Variants in WDR53 observed in about 807,000 individuals in gnomAD.
WDR53 encodes the protein WD repeat domain 53.
Under a neutral mutation model 21.3 loss-of-function variants are expected in WDR53, and 19 were observed. The observed-to-expected ratio is 0.89, with a 90% CI of 0.62 to 1.31. The LOEUF (loss-of-function observed/expected upper bound fraction) is 1.31. Ranked by LOEUF, WDR53 falls within the 50% of genes most tolerant of loss-of-function variation. The probability of loss-of-function intolerance (pLI) is 0.00; values close to 1 mark genes in which losing one functional copy is unlikely to be tolerated. For synonymous variants in WDR53, 157 were observed against 163.4 expected (o/e 0.96, Z 0.30); for missense variants, 374 against 423.2 (o/e 0.88, Z 1.02).
chr3:196,558,321 GTCAACT>G (rs1734525663), intron 3 of WDR53, among the ~76,000 whole-genome samples: 1 of 151,758 alleles, frequency 6.6e-6, no homozygotes, highest in Non-Finnish European at 1.5e-5. Context: ...ATCCTCCCAC[GTCAACT>G]TCCTAAGTAG....
chr3:196,565,890 T>C (rs1452232029), intron 2 of WDR53, among the ~76,000 whole-genome samples: 1 of 152,246 alleles, frequency 6.6e-6, no homozygotes, highest in African/African-American at 2.4e-5. Context: ...CTGGAAAGCC[T>C]GGCAGAAAGA....
At position 196,554,249 on chromosome 3, in the gene WDR53, T is replaced by C; in HGVS notation, c.1039A>G (p.Thr347Ala). The change falls in exon 4 of 4, where the codon ACT becomes GCT. Residue 347 changes from threonine (T) to alanine (A), a missense_variant. Transcript: ENST00000332629. The stretch of plus-strand genomic sequence containing the variant: ...AAGGGGTATACAGATATACAACTAG[T>C]TTGATCAGCTACTAATATATTTTGG... Reference protein sequence around the residue: ...GHQNILVADQTSCISVYPLNE... With the variant: ...GHQNILVADQASCISVYPLNE... 1 of 1,613,816 alleles carries C rather than the reference T, an allele frequency of 6.2e-7. No individual in the cohort carries two copies. Among genetic ancestry groups the C allele is most frequent in the Non-Finnish European group, 8.5e-7 (1 of 1,179,814 alleles).
rs150977040 is a variant in WDR53 at position 196,556,624 on chromosome 3, C to T, written c.481-1817G>A. Among the ~76,000 whole-genome samples the T allele has an allele frequency of 9.1e-3, 1,372 of 150,440 alleles. 21 individuals carry two copies. Among genetic ancestry groups the T allele is most frequent in the African/African-American group, 0.026 (1,075 of 40,772 alleles). Reference sequence around the variant, plus strand: ...TGAGCCGAGATCACACCATTGCACTCCAGCCTGGGCAACAGAGCAAGACTC... The same window carrying T: ...TGAGCCGAGATCACACCATTGCACTTCAGCCTGGGCAACAGAGCAAGACTC... On this transcript the variant is annotated intron_variant, in intron 3 of 3. Coordinates refer to ENST00000332629, the MANE Select transcript of WDR53 (RefSeq NM_182627.3).
At chr3:196,555,803 T>C (rs950601609) in intron 3 of WDR53, among the ~76,000 whole-genome samples, 2 of 152,222 alleles carry the variant, frequency 1.3e-5, no homozygotes, top group African/African-American at 4.8e-5. Context: ...TGGTTTCCTA[T>C]TCAAGGTAAC....
Position 196,554,710 on chromosome 3 carries a change from T to C in WDR53, c.578A>G (p.Gln193Arg). Residue 193 changes from glutamine to arginine, a missense_variant, in exon 4 of 4, where the codon CAG becomes CGG. By Grantham distance (43) the Gln-to-Arg change is conservative. Transcript: ENST00000332629. ...EEMEGPQSPG[Q>R]LLNPALAHSI... The stretch of plus-strand genomic sequence containing the variant: ...ATGGGCTAGGGCAGGGTTTAAGAGC[T>C]GACCAGGTGACTGTGGGCCTTCCAT... 1 of 1,614,200 alleles carries C rather than the reference T, an allele frequency of 6.2e-7. No homozygotes were observed. The highest frequency in any genetic ancestry group is 1.1e-5 in the South Asian group (1 of 91,088).
intron 2 of WDR53, among the ~76,000 whole-genome samples, chr3:196,566,081 G>A (rs1037806893): frequency 2.0e-5 from 3 of 152,016 alleles, no homozygotes; most frequent in Admixed American, 2.0e-4. Flanking sequence ...TGAGGGAAAG[G>A]TGAGTTTTTT....
At chr3:196,564,688 G>A (rs1735214604) in intron 2 of WDR53, among the ~76,000 whole-genome samples, 1 of 152,034 alleles carries the variant, frequency 6.6e-6, no homozygotes, top group Non-Finnish European at 1.5e-5. Context: ...TTAGAATGTC[G>A]ATCACTTTTT....
At position 196,554,347 on chromosome 3, in the gene WDR53, T is replaced by C. The variant is rs1390625728; in HGVS notation, c.941A>G (p.Asn314Ser). 1.2e-6 allele frequency: 2 copies of C among 1,614,216 alleles called. No homozygotes were observed. Among genetic ancestry groups the C allele is most frequent in the Admixed American group, 3.3e-5 (2 of 60,020 alleles). ...TTCAATATTTAGCTTTGGTAAAATG[T>C]TGCCATGTTCTTCCTCATCTGTTAC... ...ASVTDEEEHG[N>S]ILPKLNIEHG... The change falls in exon 4 of 4, where the codon AAC (asparagine) becomes AGC (serine). Residue 314 changes from asparagine (N) to serine (S), a missense_variant. By Grantham distance (46) the Asn-to-Ser change is conservative. Coordinates refer to ENST00000332629, the MANE Select transcript of WDR53 (RefSeq NM_182627.3).
At chr3:196,555,185 T>C (rs1734220194) in intron 3 of WDR53, among the ~76,000 whole-genome samples, 1 of 152,230 alleles carries the variant, frequency 6.6e-6, no homozygotes, top group African/African-American at 2.4e-5. Flanking sequence ...AAAAGGCCTA[T>C]CAACTAAATA....
chr3:196,555,164 G>A (rs1265271640), intron 3 of WDR53, among the ~76,000 whole-genome samples: 1 of 152,080 alleles, frequency 6.6e-6, no homozygotes, highest in Non-Finnish European at 1.5e-5. Context: ...AGTCTATGCT[G>A]GTTATAGGTC....
chr3:196,561,214 C>G lies in WDR53; in HGVS notation c.262G>C (p.Asp88His), dbSNP rs373512010. The change falls in exon 3 of 4, where the codon GAC becomes CAC. Residue 88 changes from aspartate (D) to histidine (H), a missense_variant. Transcript: ENST00000332629. Reference protein sequence around the residue: ...LDVRSLKDSLDHFHVNEEEIN... With the variant: ...LDVRSLKDSLHHFHVNEEEIN... ...TCTTCTTCATTCACATGAAAATGGT[C>G]CAAGGAATCTTTGAGGGACCTGACA... 1.9e-6 allele frequency: 3 copies of G among 1,614,058 alleles called. No homozygotes were observed. Among genetic ancestry groups the G allele is most frequent in the Non-Finnish European group, 2.5e-6 (3 of 1,180,052 alleles).
At position 196,554,517 on chromosome 3, in the gene WDR53, A is replaced by G. The variant is rs1279123888; in HGVS notation, c.771T>C (p.Leu257=). Residue 257 remains leucine (L), a synonymous_variant, in exon 4 of 4, where the codon CTT becomes CTC. Transcript: ENST00000332629. ...TGATCTTCCCATCATTCCCTCCAGT[A>G]AGCAGCAAATAGGATTCTGGGAGAA... The part of the protein sequence containing the change: ...VCFLPESYLL[L]TGGNDGKITL... 2 of 1,614,096 alleles carry G rather than the reference A, an allele frequency of 1.2e-6. No individual in the cohort carries two copies. Among genetic ancestry groups the G allele is most frequent in the East Asian group, 2.2e-5 (1 of 44,884 alleles).
Position 196,554,240 on chromosome 3 carries a change from T to C in WDR53, c.1048A>G (p.Ile350Val), listed in dbSNP as rs376520332. 1.6e-5 allele frequency: 26 copies of C among 1,612,880 alleles called. No individual in the cohort carries two copies. Among genetic ancestry groups the C allele is most frequent in the Non-Finnish European group, 2.0e-5 (24 of 1,179,328 alleles). The change falls in exon 4 of 4, where the codon ATA (isoleucine) becomes GTA (valine). Residue 350 changes from isoleucine to valine, a missense_variant. By Grantham distance (29) the Ile-to-Val change is conservative. Coordinates refer to ENST00000332629, the MANE Select transcript of WDR53 (RefSeq NM_182627.3). ...NILVADQTSC[I>V]SVYPLNEF ...AATTCATTTAAGGGGTATACAGATA[T>C]ACAACTAGTTTGATCAGCTACTAAT...
intron 3 of WDR53, among the ~76,000 whole-genome samples, chr3:196,556,676 TACAC>T (rs59266188): frequency 5.0e-5 from 7 of 139,264 alleles, no homozygotes; most frequent in Middle Eastern, 3.7e-3. Context: ...AAAAAGAAAA[TACAC>T]ACACACACAC....
At chr3:196,557,080 AAGAAT>A (rs1233165711) in intron 3 of WDR53, among the ~76,000 whole-genome samples, 1 of 116,730 alleles carries the variant, frequency 8.6e-6, no homozygotes, top group Non-Finnish European at 1.9e-5. Context: ...ACTGAAAGAA[AAGAAT>A]AAAGAGTTTG....
In WDR53 at chr3:196,561,222, T is replaced by C; in HGVS notation, c.254A>G (p.Asp85Gly). 1.2e-6 allele frequency: 2 copies of C among 1,614,172 alleles called. No individual in the cohort carries two copies. The highest frequency in any genetic ancestry group is 8.5e-7 in the Non-Finnish European group (1 of 1,180,038). ...ISVLDVRSLK[D>G]SLDHFHVNEE... The stretch of plus-strand genomic sequence containing the variant: ...ATTCACATGAAAATGGTCCAAGGAA[T>C]CTTTGAGGGACCTGACATCCAGTAC... Residue 85 changes from aspartate to glycine, a missense_variant, in exon 3 of 4, where the codon GAT becomes GGT. By Grantham distance (94) the Asp-to-Gly change is moderately conservative. Transcript: ENST00000332629.
At position 196,554,470 on chromosome 3, in the gene WDR53, T is replaced by A. The variant is rs1167965897; in HGVS notation, c.818A>T (p.Glu273Val). 8 of 1,614,048 alleles carry A rather than the reference T, an allele frequency of 5.0e-6. No individual in the cohort carries two copies. The African/African-American group carries it at 8.0e-5, about 16-fold the overall frequency. The change falls in exon 4 of 4, where the codon GAA (glutamate) becomes GTA (valine). Residue 273 changes from glutamate to valine, a missense_variant. Coordinates refer to ENST00000332629, the MANE Select transcript of WDR53 (RefSeq NM_182627.3). ...GKITLWDANSEVEKKQKSPTK... is the reference protein window; with the variant it reads ...GKITLWDANSVVEKKQKSPTK... ...GGGACTCTTCTGTTTTTTCTCAACT[T>A]CACTGTTTGCATCCCACAACGTGAT...
At chr3:196,560,377 G>A (rs1398095750) in intron 3 of WDR53, among the ~76,000 whole-genome samples, 1 of 152,056 alleles carries the variant, frequency 6.6e-6, no homozygotes, top group East Asian at 1.9e-4. Flanking sequence ...AAGTAGCTGG[G>A]ATTGCAGGAG....
chr3:196,566,813 T>G (rs1577585055), intron 2 of WDR53, 64 bp downstream of exon 2: 1 of 165,548 alleles, frequency 6.0e-6, no homozygotes, highest in Non-Finnish European at 1.3e-5. Flanking sequence ...CTTGGTGGGG[T>G]GGGTGATGAG....
Sources: gnomAD v4.1 joint callset for allele counts (sites outside exome capture counted in the v4.1 genomes callset) on GRCh38, gnomAD v4.1.1 for gene constraint, MANE v1.5 for transcripts, NCBI Gene and HGNC (gene_info 2026-07-23, HGNC 2026-07-21) for gene names.